CADM2: variants seen among roughly 807,000 people sequenced by gnomAD.
CADM2 encodes cell adhesion molecule 2.
CADM2 carries 12 observed loss-of-function variants against 49.8 expected under a neutral mutation model. That is an observed-to-expected ratio of 0.24 (90% CI 0.15 to 0.39). CADM2 has a LOEUF of 0.39. Ranked by LOEUF, CADM2 falls within the 10% of genes least tolerant of loss-of-function variation. The probability of loss-of-function intolerance (pLI) is 1.00; values close to 1 mark genes in which losing one functional copy is unlikely to be tolerated. For synonymous variants in CADM2, 214 were observed against 175.4 expected (o/e 1.22, Z -1.74); for missense variants, 378 against 492.3 (o/e 0.77, Z 2.20).
At chr3:85,448,107 G>A (rs570903799) in intron 1 of CADM2, among the ~76,000 whole-genome samples, 5 of 152,096 alleles carry the variant, frequency 3.3e-5, no homozygotes, top group African/African-American at 9.6e-5. Context: ...CGAGGCGGGC[G>A]GATCACGAGG....
In CADM2 at chr3:85,456,489, T is replaced by C. The variant is rs537302814; in HGVS notation, c.62-270033T>C. Among the ~76,000 whole-genome samples the C allele has an allele frequency of 2.1e-3, 325 of 152,336 alleles. 2 individuals carry two copies. The highest frequency in any genetic ancestry group is 7.6e-3 in the African/African-American group (316 of 41,580). ...ATATTGAATGATATTCTGTGCAGTC[T>C]TAAGCAAGTTTCCAAAATATTCATC... On this transcript the variant is annotated intron_variant, in intron 1 of 9. Coordinates refer to ENST00000383699, the MANE Select transcript of CADM2 (RefSeq NM_001167675.2).
intron 1 of CADM2, among the ~76,000 whole-genome samples, chr3:85,021,134 G>A (rs1411160973): frequency 6.9e-5 from 10 of 144,256 alleles, no homozygotes; most frequent in East Asian, 2.0e-4. Flanking sequence ...AAAAAAAAAA[G>A]GGGGAAAAAA....
intron 1 of CADM2, among the ~76,000 whole-genome samples, chr3:85,106,786 C>A (rs527265509): frequency 2.0e-5 from 3 of 151,890 alleles, no homozygotes; most frequent in Non-Finnish European, 4.4e-5. Flanking sequence ...TAGAGGGAGG[C>A]AAAAATGTTC....
At chr3:85,968,450 C>T (rs558087061) in intron 8 of CADM2, among the ~76,000 whole-genome samples, 1 of 151,562 alleles carries the variant, frequency 6.6e-6, no homozygotes, top group Non-Finnish European at 1.5e-5. Flanking sequence ...AAGGTTTCTG[C>T]TTTTAGAGTA....
chr3:85,436,856 T>C (rs1221822382), intron 1 of CADM2, among the ~76,000 whole-genome samples: 3 of 152,212 alleles, frequency 2.0e-5, no homozygotes, highest in African/African-American at 7.2e-5. Flanking sequence ...TGACACATCA[T>C]TGTCACCTAT....
At chr3:85,978,839 C>T (rs1031263567) in intron 8 of CADM2, among the ~76,000 whole-genome samples, 5 of 150,508 alleles carry the variant, frequency 3.3e-5, no homozygotes, top group African/African-American at 1.2e-4. Context: ...TTTTTTTTAC[C>T]TACATGTTTT....
chr3:85,219,139 T>C (rs2041993391), intron 1 of CADM2, among the ~76,000 whole-genome samples: 1 of 152,172 alleles, frequency 6.6e-6, no homozygotes, highest in South Asian at 2.1e-4. Flanking sequence ...AAAAGAATAA[T>C]ATGATATAAG....
intron 1 of CADM2, among the ~76,000 whole-genome samples, chr3:85,001,539 A>G (rs923799204): frequency 5.3e-5 from 8 of 152,102 alleles, no homozygotes; most frequent in Non-Finnish European, 8.8e-5. Context: ...TTCAAAGATC[A>G]GAAAGGCAAG....
chr3:85,374,622 AG>A (rs2033477414), intron 1 of CADM2, among the ~76,000 whole-genome samples: 1 of 152,192 alleles, frequency 6.6e-6, no homozygotes, highest in Non-Finnish European at 1.5e-5. Flanking sequence ...TAATCTATAA[AG>A]TAAAAGAGGT....
chr3:85,995,377 T>G (rs1387130551), intron 8 of CADM2, among the ~76,000 whole-genome samples: 1 of 152,158 alleles, frequency 6.6e-6, no homozygotes, highest in Middle Eastern at 3.2e-3. Flanking sequence ...ATTTTCTACA[T>G]AACATGAAGT....
chr3:85,060,227 T>C (rs556227843), intron 1 of CADM2, among the ~76,000 whole-genome samples: 1 of 152,216 alleles, frequency 6.6e-6, no homozygotes, highest in Admixed American at 6.5e-5. Flanking sequence ...GCCTGCCAGG[T>C]TCAAGTGATT....
At chr3:86,013,353 T>C in intron 8 of CADM2, 1 of 1,540,820 alleles carries the variant, frequency 6.5e-7, no homozygotes, top group Non-Finnish European at 8.9e-7. Context: ...TCTATTTGAA[T>C]TATTGATTCT....
intron 7 of CADM2, among the ~76,000 whole-genome samples, chr3:85,947,412 G>T (rs7631735): frequency 0.62 from 93,862 of 151,262 alleles, 29,251 homozygotes; most frequent in African/African-American, 0.69. Flanking sequence ...TGTGTGTGTT[G>T]TACTTTGTGT....
intron 8 of CADM2, among the ~76,000 whole-genome samples, chr3:85,984,750 G>C (rs974081227): frequency 3.8e-4 from 57 of 151,972 alleles, no homozygotes; most frequent in African/African-American, 1.3e-3. Flanking sequence ...GGTGATTAAA[G>C]TGTTTACACA....
At chr3:85,782,882 A>AGAAG (rs372631561) in intron 2 of CADM2, among the ~76,000 whole-genome samples, 11 of 152,120 alleles carry the variant, frequency 7.2e-5, no homozygotes, top group African/African-American at 2.2e-4. Context: ...TAAAGAAGAG[A>AGAAG]GAAGGAACAG....
intron 6 of CADM2, among the ~76,000 whole-genome samples, chr3:85,917,570 G>A (rs948002309): frequency 3.9e-5 from 6 of 152,094 alleles, no homozygotes; most frequent in African/African-American, 1.4e-4. Context: ...GGTTACTGTA[G>A]CCTTGTAGTA....
At chr3:85,235,147 A>G (rs563591461) in intron 1 of CADM2, among the ~76,000 whole-genome samples, 8 of 152,082 alleles carry the variant, frequency 5.3e-5, no homozygotes, top group Non-Finnish European at 1.2e-4. Flanking sequence ...AAACGGAAAA[A>G]AATTTTTTGG....
intron 1 of CADM2, among the ~76,000 whole-genome samples, chr3:85,177,945 T>C (rs1425803719): frequency 6.6e-6 from 1 of 151,970 alleles, no homozygotes; most frequent in African/African-American, 2.4e-5. Flanking sequence ...TTTAGTACAA[T>C]TGTACTTACA....
At chr3:85,659,277 T>C (rs1370057091) in intron 1 of CADM2, among the ~76,000 whole-genome samples, 1 of 151,868 alleles carries the variant, frequency 6.6e-6, no homozygotes, top group Non-Finnish European at 1.5e-5. Context: ...AGAACATGTC[T>C]ACTACAGTTT....
Sources: allele counts gnomAD v4.1 joint callset (sites outside exome capture counted in the v4.1 genomes callset), GRCh38; gene constraint gnomAD v4.1.1; transcripts MANE v1.5; gene names NCBI Gene and HGNC (gene_info 2026-07-23, HGNC 2026-07-21).